Variants in GRID1 observed in about 807,000 individuals in gnomAD.
The protein encoded by GRID1 is glutamate ionotropic receptor delta type subunit 1, also known as glutamate receptor ionotropic, delta-1.
A neutral mutation model predicts 98.0 loss-of-function variants in GRID1; 28 were observed. The observed-to-expected ratio is 0.29, with a 90% CI of 0.21 to 0.39. The LOEUF (loss-of-function observed/expected upper bound fraction) is 0.39. GRID1 is among the 10% of genes least tolerant of loss of function. The pLI is 1.00. For synonymous variants in GRID1, 553 were observed against 538.5 expected (o/e 1.03, Z -0.37); for missense variants, 1,111 against 1,340.5 (o/e 0.83, Z 2.67).
At chr10:86,106,687 A>T (rs1472760764) in intron 4 of GRID1, among the ~76,000 whole-genome samples, 2 of 151,968 alleles carry the variant, frequency 1.3e-5, no homozygotes, top group African/African-American at 2.4e-5. Context: ...TGATCATCAG[A>T]GATGATCAGG....
At chr10:86,007,961 T>A (rs947430915) in intron 4 of GRID1, among the ~76,000 whole-genome samples, 1 of 152,106 alleles carries the variant, frequency 6.6e-6, no homozygotes, top group Admixed American at 6.5e-5. Context: ...AAACGTTTCA[T>A]GATGCTGGTG....
At chr10:86,044,977 G>T (rs1009172468) in intron 4 of GRID1, among the ~76,000 whole-genome samples, 2 of 152,184 alleles carry the variant, frequency 1.3e-5, no homozygotes, top group East Asian at 3.9e-4. Flanking sequence ...GATGTTTATT[G>T]GCAACTACTA....
intron 3 of GRID1, among the ~76,000 whole-genome samples, chr10:86,171,343 A>C (rs1178107763): frequency 1.3e-5 from 2 of 152,222 alleles, no homozygotes; most frequent in Admixed American, 6.5e-5. Context: ...AAAGGAAGAA[A>C]ATCCCCAAGT....
chr10:85,852,651 A>G (rs934901347), intron 8 of GRID1, among the ~76,000 whole-genome samples: 2 of 152,246 alleles, frequency 1.3e-5, no homozygotes, highest in African/African-American at 4.8e-5. Context: ...AGCCAGCTAC[A>G]CTTGGCAAGC....
At chr10:86,233,683 A>C (rs892624372) in intron 2 of GRID1, among the ~76,000 whole-genome samples, 1 of 152,088 alleles carries the variant, frequency 6.6e-6, no homozygotes, top group Non-Finnish European at 1.5e-5. Context: ...CTAGACTTAC[A>C]TGATACCACA....
chr10:85,607,414 G>C (rs1294012928), intron 15 of GRID1, among the ~76,000 whole-genome samples: 1 of 152,154 alleles, frequency 6.6e-6, no homozygotes, highest in Admixed American at 6.5e-5. Context: ...TGGGACCCAA[G>C]GGCTGGGAGA....
chr10:85,813,975 T>C (rs1230327890), intron 8 of GRID1, among the ~76,000 whole-genome samples: 1 of 151,466 alleles, frequency 6.6e-6, no homozygotes, highest in Non-Finnish European at 1.5e-5. Flanking sequence ...ACCCAAAATG[T>C]AAATAAATAA....
At chr10:86,317,057 G>T (rs1053785770) in intron 2 of GRID1, among the ~76,000 whole-genome samples, 5 of 152,184 alleles carry the variant, frequency 3.3e-5, no homozygotes, top group African/African-American at 1.2e-4. Flanking sequence ...ACTCAGTACA[G>T]AACAACACAC....
intron 4 of GRID1, among the ~76,000 whole-genome samples, chr10:85,920,048 G>C (rs1235553141): frequency 6.6e-6 from 1 of 152,096 alleles, no homozygotes; most frequent in South Asian, 2.1e-4. Flanking sequence ...ACAAATCCCA[G>C]CTGCCTTGCT....
At chr10:86,135,074 C>T (rs950632646) in intron 4 of GRID1, among the ~76,000 whole-genome samples, 1 of 152,198 alleles carries the variant, frequency 6.6e-6, no homozygotes, top group Non-Finnish European at 1.5e-5. Context: ...AGCAGGATTC[C>T]CAGAGCAAGG....
At chr10:85,686,895 T>C (rs1250040229) in intron 12 of GRID1, among the ~76,000 whole-genome samples, 1 of 152,134 alleles carries the variant, frequency 6.6e-6, no homozygotes, top group Non-Finnish European at 1.5e-5. Flanking sequence ...TGTTTACACA[T>C]AGGACCTAAT....
intron 12 of GRID1, among the ~76,000 whole-genome samples, chr10:85,667,318 G>C (rs3924122): frequency 0.39 from 42,956 of 110,302 alleles, 5,864 homozygotes; most frequent in African/African-American, 0.47. Flanking sequence ...CACACACACA[G>C]AGAGAGAGAG....
At chr10:85,973,368 T>C (rs1842432013) in intron 4 of GRID1, among the ~76,000 whole-genome samples, 2 of 152,328 alleles carry the variant, frequency 1.3e-5, no homozygotes, top group East Asian at 3.9e-4. Context: ...TTGCTATTTG[T>C]AGTTATTTTT....
rs138462774 is a variant in GRID1 at position 85,977,610 on chromosome 10, T to C, written c.727-61371A>G. ...CCCTAGGCTTAGATTAGAGCAAGGC[T>C]CCATGCACACCTGCAGAGCCTGGGA... On this transcript the variant is annotated intron_variant, in intron 4 of 15. Coordinates refer to ENST00000327946, the MANE Select transcript of GRID1 (RefSeq NM_017551.3). 4.2e-3 allele frequency among the ~76,000 whole-genome samples: 639 copies of C among 152,272 alleles called. 4 individuals are homozygous for C. The highest frequency in any genetic ancestry group is 7.7e-3 in the Non-Finnish European group (525 of 68,010).
At chr10:85,690,973 A>T (rs1471109355) in intron 12 of GRID1, among the ~76,000 whole-genome samples, 3 of 152,208 alleles carry the variant, frequency 2.0e-5, no homozygotes, top group Non-Finnish European at 4.4e-5. Context: ...AGATAGATTT[A>T]TTCATTTATT....
chr10:86,231,283 G>A (rs1386599907), intron 2 of GRID1, among the ~76,000 whole-genome samples: 5 of 152,202 alleles, frequency 3.3e-5, no homozygotes, highest in African/African-American at 4.8e-5. Context: ...GAGGCAGGGG[G>A]CCCGGGCTGG....
chr10:85,706,503 G>C (rs1452416305), intron 12 of GRID1, among the ~76,000 whole-genome samples: 1 of 152,120 alleles, frequency 6.6e-6, no homozygotes, highest in African/African-American at 2.4e-5. Context: ...TCATGGGTAG[G>C]AAGAATCAAT....
intron 4 of GRID1, among the ~76,000 whole-genome samples, chr10:86,016,945 G>C (rs568103337): frequency 6.6e-6 from 1 of 152,198 alleles, no homozygotes; most frequent in African/African-American, 2.4e-5. Context: ...AGTCTAGCAT[G>C]GCCTAAGTCA....
intron 8 of GRID1, among the ~76,000 whole-genome samples, chr10:85,752,414 T>G (rs1322885138): frequency 1.3e-5 from 2 of 152,198 alleles, no homozygotes; most frequent in African/African-American, 4.8e-5. Context: ...AATATACGAC[T>G]GCTTATTTAC....
Sources: gnomAD v4.1 joint callset for allele counts (sites outside exome capture counted in the v4.1 genomes callset) on GRCh38, gnomAD v4.1.1 for gene constraint, MANE v1.5 for transcripts, NCBI Gene and HGNC (gene_info 2026-07-23, HGNC 2026-07-21) for gene names.